Variants in B3GAT2 observed in about 807,000 individuals in gnomAD.
B3GAT2 encodes the protein galactosylgalactosylxylosylprotein 3-beta-glucuronosyltransferase 2.
In B3GAT2, 26 loss-of-function variants were observed where a neutral mutation model predicts 27.8. The observed-to-expected ratio is 0.93, with a 90% CI of 0.68 to 1.30. The LOEUF (loss-of-function observed/expected upper bound fraction) is 1.30, where lower values mean the gene tolerates loss of function less well. Ranked by LOEUF, B3GAT2 falls within the 50% of genes most tolerant of loss-of-function variation. The probability of loss-of-function intolerance (pLI) is 0.00; values close to 1 mark genes in which losing one functional copy is unlikely to be tolerated. For synonymous variants in B3GAT2, 218 were observed against 195.1 expected (o/e 1.12, Z -0.98); for missense variants, 458 against 459.0 (o/e 1.00, Z 0.02).
rs3734371 is a variant in B3GAT2 at position 70,859,232 on chromosome 6, A to G, written c.*2431T>C. 0.19 allele frequency: 143,806 copies of G among 753,656 alleles called. 15,722 individuals carry two copies. The highest frequency in any genetic ancestry group is 0.32 in the East Asian group (11,389 of 35,764). The allele number at this position is 753,656 out of a possible 1,614,324, so 46.7% of individuals were successfully genotyped here. ...GGGAATCTAAAAAATTGTATGTGCT[A>G]AGTGTCAGTCACATGGTCAACATGC... is the stretch of plus-strand genomic sequence containing the variant. On this transcript the variant is annotated 3_prime_UTR_variant, in exon 4 of 4. Transcript: ENST00000230053.
At chr6:70,923,005 T>C (rs1168697039) in intron 1 of B3GAT2, among the ~76,000 whole-genome samples, 1 of 152,160 alleles carries the variant, frequency 6.6e-6, no homozygotes, top group African/African-American at 2.4e-5. Flanking sequence ...CAATGTACCA[T>C]GTCATAGGGT....
chr6:70,896,140 T>G (rs2150032531), intron 1 of B3GAT2, among the ~76,000 whole-genome samples: 1 of 152,270 alleles, frequency 6.6e-6, no homozygotes, highest in South Asian at 2.1e-4. Flanking sequence ...GTATAATCAT[T>G]GTACGCCTGT....
chr6:70,862,027 TTC>T, intron 2 of B3GAT2, 49 bp from the exon 3 acceptor site: 1 of 1,498,680 alleles, frequency 6.7e-7, no homozygotes, highest in South Asian at 1.3e-5. Flanking sequence ...CCTGGTGTAC[TTC>T]TCTTTTTTTC....
intron 1 of B3GAT2, among the ~76,000 whole-genome samples, chr6:70,948,452 G>T (rs1365474793): frequency 1.3e-5 from 2 of 151,062 alleles, no homozygotes. Flanking sequence ...CAAACAGAGA[G>T]CCAAATCATG....
chr6:70,878,681 C>T (rs13216558), intron 2 of B3GAT2, among the ~76,000 whole-genome samples: 6,177 of 141,884 alleles, frequency 0.044, 163 homozygotes, highest in Middle Eastern at 0.097. Context: ...TTGCTTTTTT[C>T]CCTTCTTCTT....
At chr6:70,902,404 G>C (rs1772515623) in intron 1 of B3GAT2, among the ~76,000 whole-genome samples, 1 of 151,886 alleles carries the variant, frequency 6.6e-6, no homozygotes, top group Non-Finnish European at 1.5e-5. Context: ...AATTGGCATA[G>C]CCATTGTAGA....
chr6:70,933,059 A>G (rs563947048), intron 1 of B3GAT2, among the ~76,000 whole-genome samples: 1 of 152,270 alleles, frequency 6.6e-6, no homozygotes, highest in Non-Finnish European at 1.5e-5. Flanking sequence ...TGAGCCTCCC[A>G]AAGTGCTGGG....
chr6:70,927,677 C>T (rs576136245), intron 1 of B3GAT2, among the ~76,000 whole-genome samples: 7 of 152,106 alleles, frequency 4.6e-5, no homozygotes, highest in Non-Finnish European at 1.0e-4. Flanking sequence ...ATCCATAAAG[C>T]GAGTCCTTAG....
chr6:70,861,855 T>C lies in B3GAT2; in HGVS notation c.860A>G (p.Glu287Gly). 6.2e-7 allele frequency: 1 copy of C among 1,614,132 alleles called. No homozygotes were observed. The highest frequency in any genetic ancestry group is 8.5e-7 in the Non-Finnish European group (1 of 1,179,980). Residue 287 changes from glutamate to glycine, a missense_variant, in exon 3 of 4, where the codon GAA becomes GGA. Glu to Gly is a moderately conservative substitution (Grantham distance 98, BLOSUM62 -2). Coordinates refer to ENST00000230053, the MANE Select transcript of B3GAT2 (RefSeq NM_080742.3). ...CTTAGTGCAGTTATTTGCTTTCGGT[T>C]CCAGTTCTTCGACTGTTGTTATCTG... ...LKQITTVEEL[E>G]PKANNCTKVL...
intron 1 of B3GAT2, among the ~76,000 whole-genome samples, chr6:70,904,148 T>C (rs1772556860): frequency 6.6e-6 from 1 of 152,166 alleles, no homozygotes; most frequent in Admixed American, 6.5e-5. Flanking sequence ...AAAGGCCTCA[T>C]ATAGTGTTAT....
chr6:70,950,140 C>T lies in B3GAT2; in HGVS notation c.591+5699G>A, dbSNP rs1240778742. Among the ~76,000 whole-genome samples the T allele has an allele frequency of 2.0e-5, 3 of 151,730 alleles. No individual in the cohort carries two copies. The East Asian group carries it at 5.8e-4, about 29-fold the overall frequency. On this transcript the variant is annotated intron_variant, in intron 1 of 3. Transcript: ENST00000230053. ...TAATGGGTGCAGCACACCAGCATGG[C>T]ACATGTATACATATGTAACTAACCT...
chr6:70,925,443 G>A (rs929358991), intron 1 of B3GAT2, among the ~76,000 whole-genome samples: 3 of 152,168 alleles, frequency 2.0e-5, no homozygotes, highest in South Asian at 2.1e-4. Context: ...GGACACTCCC[G>A]CCCTAATACT....
chr6:70,951,800 A>C (rs768085445), intron 1 of B3GAT2, among the ~76,000 whole-genome samples: 1 of 152,172 alleles, frequency 6.6e-6, no homozygotes, highest in Admixed American at 6.6e-5. Flanking sequence ...GACCTATGGC[A>C]TGACTCTTAA....
At chr6:70,912,981 AG>A (rs1403010543) in intron 1 of B3GAT2, among the ~76,000 whole-genome samples, 1 of 151,840 alleles carries the variant, frequency 6.6e-6, no homozygotes, top group African/African-American at 2.4e-5. Context: ...TAGTCTTTTA[AG>A]GTTTTTTATA....
intron 1 of B3GAT2, among the ~76,000 whole-genome samples, chr6:70,902,665 C>CACAT (rs1477897669): frequency 3.8e-5 from 4 of 105,734 alleles, no homozygotes; most frequent in Admixed American, 1.1e-4. Context: ...CACACACACA[C>CACAT]ATATATATAT....
At chr6:70,908,463 A>C (rs1024784477) in intron 1 of B3GAT2, among the ~76,000 whole-genome samples, 4 of 152,228 alleles carry the variant, frequency 2.6e-5, no homozygotes, top group Non-Finnish European at 5.9e-5. Flanking sequence ...TTTCCAAAAT[A>C]AGTACAGCAT....
chr6:70,890,268 CT>C (rs772168220), intron 2 of B3GAT2, among the ~76,000 whole-genome samples: 13 of 152,130 alleles, frequency 8.5e-5, no homozygotes, highest in Non-Finnish European at 1.8e-4. Flanking sequence ...GGCTCCCCCC[CT>C]GCAGTCACTT....
intron 2 of B3GAT2, among the ~76,000 whole-genome samples, chr6:70,880,654 AT>A (rs372247659): frequency 0.026 from 3,742 of 141,428 alleles, 48 homozygotes; most frequent in Non-Finnish European, 0.04. Flanking sequence ...CAGCTGGCTA[AT>A]TTTTTTTTTT....
chr6:70,873,490 C>T (rs1417062957), intron 2 of B3GAT2, among the ~76,000 whole-genome samples: 1 of 152,174 alleles, frequency 6.6e-6, no homozygotes, highest in Admixed American at 6.5e-5. Context: ...TTTTGTTACT[C>T]TCAAGATTCT....
Sources: gnomAD v4.1 joint callset for allele counts (sites outside exome capture counted in the v4.1 genomes callset) on GRCh38, gnomAD v4.1.1 for gene constraint, MANE v1.5 for transcripts, NCBI Gene and HGNC (gene_info 2026-07-23, HGNC 2026-07-21) for gene names.